Variants in FREM2 observed in about 807,000 individuals in gnomAD.
FREM2 encodes the protein FRAS1 related extracellular matrix 2.
Under a neutral mutation model 219.9 loss-of-function variants are expected in FREM2, and 119 were observed. The observed-to-expected ratio is 0.54, with a 90% CI of 0.47 to 0.63. The LOEUF is 0.63. Among genes scored for constraint, FREM2 ranks in the 30% least tolerant of loss-of-function variants. The probability of loss-of-function intolerance (pLI) is 0.00; values close to 1 mark genes in which losing one functional copy is unlikely to be tolerated. For synonymous variants in FREM2, 1,562 were observed against 1,522.8 expected (o/e 1.03, Z -0.60); for missense variants, 4,030 against 3,993.6 (o/e 1.01, Z -0.25).
rs758662970 is a variant in FREM2, at chr13:38,689,442, C to A, written c.2098C>A (p.Pro700Thr). 1 of 1,614,032 alleles carries A rather than the reference C, an allele frequency of 6.2e-7. No individual in the cohort carries two copies. The highest frequency in any genetic ancestry group is 1.7e-5 in the Admixed American group (1 of 59,998). Reference protein sequence around the residue: ...VIRIHPVDRLPPELGSGCPLR... With the variant: ...VIRIHPVDRLTPELGSGCPLR... The stretch of plus-strand genomic sequence containing the variant: ...TCGTATCCATCCTGTGGATCGCCTC[C>A]CTCCGGAGCTGGGCAGTGGCTGTCC... Residue 700 changes from proline (P) to threonine (T), a missense_variant, in exon 1 of 24, where the codon CCT becomes ACT. By Grantham distance (38) the Pro-to-Thr change is conservative (BLOSUM62 -1). Coordinates refer to ENST00000280481, the MANE Select transcript of FREM2 (RefSeq NM_207361.6).
In FREM2 at chr13:38,840,043, G is replaced by A. The variant is rs566165528; in HGVS notation, c.6020-6530G>A. Reference sequence around the variant, plus strand: ...CAGCTAGCTGAGTGTCTGTCCAAATGGCCACCCAACTTTGTGCTTGAAACT... The same window carrying A: ...CAGCTAGCTGAGTGTCTGTCCAAATAGCCACCCAACTTTGTGCTTGAAACT... On this transcript the variant is annotated intron_variant, in intron 6 of 23. Transcript: ENST00000280481. Among the ~76,000 whole-genome samples, 3 of 152,238 alleles carry A rather than the reference G, an allele frequency of 2.0e-5. No homozygotes were observed. The South Asian group carries it at 6.2e-4, about 32-fold the overall frequency.
At position 38,848,575 on chromosome 13, in the gene FREM2, T is replaced by G; in HGVS notation, c.6284T>G (p.Ile2095Ser). ...DDLGQPALEGIEKFELVLRMP... is the reference protein window; with the variant it reads ...DDLGQPALEGSEKFELVLRMP... ...CTTGGACAACCAGCGCTGGAGGGAATTGAGAAATTTGAACTGGTGCTTCGC... is the reference window on the plus strand; with the variant it reads ...CTTGGACAACCAGCGCTGGAGGGAAGTGAGAAATTTGAACTGGTGCTTCGC... Residue 2095 changes from isoleucine (I) to serine (S), a missense_variant, in exon 8 of 24, where the codon ATT becomes AGT. Transcript: ENST00000280481. 6.2e-7 allele frequency: 1 copy of G among 1,614,022 alleles called. No individual in the cohort carries two copies. The highest frequency in any genetic ancestry group is 2.2e-5 in the East Asian group (1 of 44,862).
chr13:38,836,995 GT>G, intron 6 of FREM2, among the ~76,000 whole-genome samples: 1 of 152,034 alleles, frequency 6.6e-6, no homozygotes, highest in Admixed American at 6.6e-5. Context: ...TTTTGAATTT[GT>G]TTTCTCTTGC....
chr13:38,733,627 C>G lies in FREM2; in HGVS notation c.5264-30677C>G, dbSNP rs1649379397. Among the ~76,000 whole-genome samples, 4 of 152,074 alleles carry G rather than the reference C, an allele frequency of 2.6e-5. No homozygotes were observed. In the South Asian group the frequency reaches 8.3e-4, roughly 32 times the overall value. ...TGTCAAGAAACTTTATATATATTTA[C>G]AGCAAGCAGATCAAATTCCTTTCCT... On this transcript the variant is annotated intron_variant, in intron 2 of 23. Transcript: ENST00000280481.
intron 2 of FREM2, among the ~76,000 whole-genome samples, chr13:38,732,733 T>C (rs559176897): frequency 3.3e-5 from 5 of 152,096 alleles, no homozygotes; most frequent in Non-Finnish European, 7.4e-5. Flanking sequence ...ACAAGAATAG[T>C]AAGGGGAATT....
At chr13:38,694,484 A>G (rs1593347747) in intron 1 of FREM2, among the ~76,000 whole-genome samples, 1 of 152,230 alleles carries the variant, frequency 6.6e-6, no homozygotes, top group Non-Finnish European at 1.5e-5. Context: ...GAAAGCTACC[A>G]TGGCTCTTTT....
At chr13:38,842,653 G>T (rs891682811) in intron 6 of FREM2, among the ~76,000 whole-genome samples, 1 of 152,170 alleles carries the variant, frequency 6.6e-6, no homozygotes, top group Admixed American at 6.5e-5. Context: ...TGGTCTATGC[G>T]CACTTGAGTA....
At chr13:38,824,377 C>T (rs1489430651) in intron 6 of FREM2, among the ~76,000 whole-genome samples, 1 of 152,074 alleles carries the variant, frequency 6.6e-6, no homozygotes, top group Admixed American at 6.6e-5. Context: ...CCAATTTCCT[C>T]ATAACGTAAC....
intron 20 of FREM2, among the ~76,000 whole-genome samples, chr13:38,876,856 A>G (rs1268734404): frequency 2.0e-5 from 3 of 152,148 alleles, no homozygotes; most frequent in South Asian, 4.1e-4. Context: ...CAAGTCCTTT[A>G]TATACCCCAA....
At chr13:38,805,427 C>A (rs1186776848) in intron 6 of FREM2, among the ~76,000 whole-genome samples, 1 of 151,734 alleles carries the variant, frequency 6.6e-6, no homozygotes, top group Non-Finnish European at 1.5e-5. Flanking sequence ...AGGAATTAGT[C>A]TAGGGAAAGA....
intron 3 of FREM2, among the ~76,000 whole-genome samples, chr13:38,768,568 T>A (rs1399325644): frequency 1.3e-5 from 2 of 152,208 alleles, no homozygotes; most frequent in Non-Finnish European, 2.9e-5. Context: ...TGAGCCACCA[T>A]GCCCAGCCTT....
intron 2 of FREM2, among the ~76,000 whole-genome samples, 161 bp from the exon 3 acceptor site, chr13:38,764,143 A>G (rs937539022): frequency 6.6e-6 from 1 of 152,246 alleles, no homozygotes; most frequent in African/African-American, 2.4e-5. Context: ...AACAGTCTCT[A>G]GACTGTAAGC....
chr13:38,761,940 C>T (rs559044935), intron 2 of FREM2, among the ~76,000 whole-genome samples: 1 of 152,226 alleles, frequency 6.6e-6, no homozygotes, highest in East Asian at 1.9e-4. Context: ...AAAGAAAAGT[C>T]CACTTGATAT....
chr13:38,830,882 G>A (rs1876481069), intron 6 of FREM2, among the ~76,000 whole-genome samples: 1 of 152,192 alleles, frequency 6.6e-6, no homozygotes, highest in Non-Finnish European at 1.5e-5. Context: ...ACTAGCAGCT[G>A]AAGGGTGACG....
At chr13:38,779,313 G>A (rs888519203) in intron 4 of FREM2, 1 of 151,896 alleles carries the variant, frequency 6.6e-6, no homozygotes, top group Non-Finnish European at 1.5e-5. Flanking sequence ...GTTGATAGGT[G>A]CAGCAAACCA....
chr13:38,728,092 T>C (rs1871603332), intron 2 of FREM2, among the ~76,000 whole-genome samples: 1 of 152,194 alleles, frequency 6.6e-6, no homozygotes, highest in African/African-American at 2.4e-5. Flanking sequence ...ATGAGGTTAG[T>C]TAATGGTACA....
chr13:38,878,065 C>T (rs1256519849), intron 21 of FREM2, 69 bp from the exon 22 acceptor site: 10 of 1,286,638 alleles, frequency 7.8e-6, no homozygotes, highest in Non-Finnish European at 1.1e-5. Context: ...TTGTCATAAC[C>T]TGTTTACAGT....
intron 16 of FREM2, among the ~76,000 whole-genome samples, chr13:38,865,271 A>G (rs1051781324): frequency 1.3e-5 from 2 of 152,274 alleles, no homozygotes; most frequent in East Asian, 1.9e-4. Flanking sequence ...ACACACACAC[A>G]ATCCTCACCC....
At chr13:38,824,566 G>C (rs905651797) in intron 6 of FREM2, among the ~76,000 whole-genome samples, 7 of 152,122 alleles carry the variant, frequency 4.6e-5, no homozygotes, top group African/African-American at 1.7e-4. Context: ...GGGAAACAGT[G>C]GGAGTGGCTA....
Sources: allele counts gnomAD v4.1 joint callset (sites outside exome capture counted in the v4.1 genomes callset), GRCh38; gene constraint gnomAD v4.1.1; transcripts MANE v1.5; gene names NCBI Gene and HGNC (gene_info 2026-07-23, HGNC 2026-07-21).